The following KAZN variants were observed in gnomAD, a reference collection of about 807,000 sequenced individuals.
KAZN encodes the protein kazrin, periplakin interacting protein.
A neutral mutation model predicts 87.4 loss-of-function variants in KAZN; 40 were observed. The observed-to-expected ratio is 0.46, with a 90% CI of 0.36 to 0.60. The LOEUF (loss-of-function observed/expected upper bound fraction) is 0.60, where lower values mean the gene tolerates loss of function less well. Among genes scored for constraint, KAZN ranks in the 20% least tolerant of loss-of-function variants. The pLI is 0.00. For missense variants in KAZN, 898 were observed against 1,073.9 expected (o/e 0.84, Z 2.29); for synonymous variants, 466 against 458.3 (o/e 1.02, Z -0.22).
intron 2 of KAZN, among the ~76,000 whole-genome samples, chr1:14,518,086 A>T (rs1671389683): frequency 1.3e-5 from 2 of 151,078 alleles, no homozygotes; most frequent in African/African-American, 4.9e-5. Flanking sequence ...TGAACAAGCC[A>T]CTTATTTGCT....
At chr1:14,156,072 T>C (rs746151489) in intron 1 of KAZN, among the ~76,000 whole-genome samples, 5 of 152,210 alleles carry the variant, frequency 3.3e-5, no homozygotes, top group Non-Finnish European at 5.9e-5. Flanking sequence ...TTTTTAATTT[T>C]CTTCTTAATT....
At chr1:13,915,581 C>T (rs1639820925) in intron 1 of KAZN, among the ~76,000 whole-genome samples, 1 of 152,222 alleles carries the variant, frequency 6.6e-6, no homozygotes, top group Non-Finnish European at 1.5e-5. Context: ...GGGCTGTGTG[C>T]ACCAAGGTTT....
intron 2 of KAZN, among the ~76,000 whole-genome samples, chr1:14,379,865 G>A (rs1364675485): frequency 6.6e-6 from 1 of 152,172 alleles, no homozygotes; most frequent in African/African-American, 2.4e-5. Flanking sequence ...GAGCCCCAGG[G>A]CCTTGAGCAA....
rs142702837 is a variant in KAZN at position 14,976,918 on chromosome 1, G to A, written c.418+16043G>A. ...AAATACAAAAAAATTAGCCAGGTGT[G>A]GTGGTGGGCGCCTGTAATCCCAGCT... On this transcript the variant is annotated intron_variant, in intron 2 of 14. Transcript: ENST00000376030. 5.2e-3 allele frequency among the ~76,000 whole-genome samples: 790 copies of A among 152,236 alleles called. 10 individuals carry two copies. Among genetic ancestry groups the A allele is most frequent in the African/African-American group, 0.018 (749 of 41,540 alleles).
intron 1 of KAZN, chr1:14,930,059 G>C (rs12046711): frequency 0.11 from 107,383 of 985,258 alleles, 6,601 homozygotes; most frequent in East Asian, 0.28. Context: ...GTGAGTGCTG[G>C]CCGCTGTCCC....
At chr1:15,042,019 A>C (rs1054737289) in intron 3 of KAZN, among the ~76,000 whole-genome samples, 5 of 152,224 alleles carry the variant, frequency 3.3e-5, no homozygotes, top group African/African-American at 1.2e-4. Flanking sequence ...GTTGCTGCTG[A>C]GCCCAGCTCT....
chr1:14,149,540 C>T (rs1027489359), intron 1 of KAZN, among the ~76,000 whole-genome samples: 2 of 152,120 alleles, frequency 1.3e-5, no homozygotes, highest in East Asian at 1.9e-4. Flanking sequence ...CCTCCCATCT[C>T]GTTTGGCCAC....
At chr1:14,193,817 G>T (rs184919693) in intron 2 of KAZN, among the ~76,000 whole-genome samples, 56 of 152,114 alleles carry the variant, frequency 3.7e-4, no homozygotes, top group Admixed American at 1.5e-3. Context: ...TGGCCCTAGA[G>T]GTTTTTATTT....
intron 2 of KAZN, among the ~76,000 whole-genome samples, chr1:14,485,119 C>A (rs867121949): frequency 2.4e-4 from 37 of 152,066 alleles, no homozygotes; most frequent in African/African-American, 8.9e-4. Flanking sequence ...ACCTTTATTT[C>A]AGGGAAAGAA....
intron 1 of KAZN, among the ~76,000 whole-genome samples, chr1:14,959,219 C>T (rs941919389): frequency 1.1e-4 from 17 of 152,216 alleles, no homozygotes; most frequent in African/African-American, 3.9e-4. Context: ...GGGAAAGAGA[C>T]AGATAAATAC....
chr1:14,678,345 T>G (rs1640362186), intron 1 of KAZN, among the ~76,000 whole-genome samples: 1 of 152,128 alleles, frequency 6.6e-6, no homozygotes, highest in Non-Finnish European at 1.5e-5. Flanking sequence ...GACTCCAAGT[T>G]CTTAGGTTTT....
In KAZN at chr1:14,184,311, C is replaced by T. The variant is rs2100330289; in HGVS notation, c.249+3719C>T. 6.6e-6 allele frequency among the ~76,000 whole-genome samples: 1 copy of T among 152,128 alleles called. No individual in the cohort carries two copies. The highest frequency in any genetic ancestry group is 1.5e-5 in the Non-Finnish European group (1 of 67,986). On this transcript the variant is annotated intron_variant, in intron 2 of 16. Coordinates refer to the KAZN transcript ENST00000636203. The surrounding 1 kb of genome is among the most constrained non-coding windows in gnomAD (Gnocchi z 4.2). ...CTCCTTCTCTCAAATCTATTCCCCT[C>T]CTCCCTCCCTCGCCTTCTCTTCTTT...
chr1:14,675,205 A>C (rs575031982), intron 1 of KAZN, among the ~76,000 whole-genome samples: 1 of 152,306 alleles, frequency 6.6e-6, no homozygotes, highest in South Asian at 2.1e-4. Context: ...ACCAGGCCCC[A>C]CTGCCTTCAC....
At chr1:14,661,571 T>C (rs1395413665) in intron 1 of KAZN, among the ~76,000 whole-genome samples, 1 of 151,538 alleles carries the variant, frequency 6.6e-6, no homozygotes, top group Non-Finnish European at 1.5e-5. Context: ...GAACAGGTGG[T>C]GGGCCGTAGT....
chr1:14,891,914 C>T lies in KAZN; in HGVS notation c.227-68770C>T, dbSNP rs577736214. Reference sequence around the variant, plus strand: ...GCAGTAAGACGTGTCCATGAGCCTCCGTTAGTCGGCTCTGATTATGTGAGG... The same window carrying T: ...GCAGTAAGACGTGTCCATGAGCCTCTGTTAGTCGGCTCTGATTATGTGAGG... On this transcript the variant is annotated intron_variant, in intron 1 of 14. Transcript: ENST00000376030. Among the ~76,000 whole-genome samples the T allele has an allele frequency of 2.6e-5, 4 of 152,124 alleles. No individual in the cohort carries two copies. In the South Asian group the frequency reaches 6.2e-4, roughly 24 times the overall value.
chr1:14,281,488 A>C (rs1571214425), intron 2 of KAZN, among the ~76,000 whole-genome samples: 1 of 151,796 alleles, frequency 6.6e-6, no homozygotes, highest in African/African-American at 2.4e-5. Flanking sequence ...CTGCATTATC[A>C]CTCCAGCTCC....
chr1:14,638,466 G>C (rs1680164875), intron 1 of KAZN, among the ~76,000 whole-genome samples: 3 of 151,894 alleles, frequency 2.0e-5, no homozygotes, highest in Admixed American at 2.0e-4. Context: ...CTACTCGGGA[G>C]GCTGAGGTAG....
chr1:14,851,312 C>T (rs1572647110), intron 1 of KAZN, among the ~76,000 whole-genome samples: 1 of 152,216 alleles, frequency 6.6e-6, no homozygotes, highest in East Asian at 1.9e-4. Context: ...ACCTGTAAAG[C>T]CAGCATGCCC....
At chr1:15,067,721 A>T (rs976874233) in intron 8 of KAZN, 2 of 985,386 alleles carry the variant, frequency 2.0e-6, no homozygotes, top group Admixed American at 1.2e-4. Flanking sequence ...AACAGCAAGC[A>T]GGCAGAGGCC....
Sources: allele counts gnomAD v4.1 joint callset (sites outside exome capture counted in the v4.1 genomes callset), GRCh38; gene constraint gnomAD v4.1.1; non-coding constraint Gnocchi (gnomAD v3.1); transcripts MANE v1.5; gene names NCBI Gene and HGNC (gene_info 2026-07-23, HGNC 2026-07-21).